IGF1R: variants seen among roughly 807,000 people sequenced by gnomAD.
The protein encoded by IGF1R is insulin like growth factor 1 receptor.
A neutral mutation model predicts 144.6 loss-of-function variants in IGF1R; 44 were observed. That is an observed-to-expected ratio of 0.30 (90% CI 0.24 to 0.39). The LOEUF is 0.39. Among genes scored for constraint, IGF1R ranks in the 10% least tolerant of loss-of-function variants. The pLI, the probability that IGF1R is intolerant of heterozygous loss-of-function variation, is 1.00. For synonymous variants in IGF1R, 795 were observed against 722.8 expected (o/e 1.10, Z -1.60); for missense variants, 1,355 against 1,833.7 (o/e 0.74, Z 4.77).
chr15:98,834,036 T>C (rs933655109), intron 2 of IGF1R, among the ~76,000 whole-genome samples: 1 of 152,246 alleles, frequency 6.6e-6, no homozygotes, highest in Non-Finnish European at 1.5e-5. Context: ...TATGAGGACT[T>C]GCCAGATGTC....
At chr15:98,740,719 CTG>C (rs1278506898) in intron 2 of IGF1R, among the ~76,000 whole-genome samples, 1 of 152,200 alleles carries the variant, frequency 6.6e-6, no homozygotes, top group Non-Finnish European at 1.5e-5. Flanking sequence ...CCTAAAATCT[CTG>C]TGCTGTGTAG....
intron 5 of IGF1R, among the ~76,000 whole-genome samples, chr15:98,899,956 T>C (rs1024200262): frequency 6.6e-6 from 1 of 152,158 alleles, no homozygotes; most frequent in African/African-American, 2.4e-5. Context: ...TCTGGAGTGC[T>C]CACCTCCCTG....
intron 2 of IGF1R, among the ~76,000 whole-genome samples, chr15:98,855,131 G>A (rs1210655652): frequency 6.6e-6 from 1 of 152,226 alleles, no homozygotes; most frequent in Non-Finnish European, 1.5e-5. Flanking sequence ...GCTGTATGGT[G>A]ATGTGTTCTC....
intron 2 of IGF1R, among the ~76,000 whole-genome samples, chr15:98,722,941 C>CT: frequency 6.6e-6 from 1 of 152,010 alleles, no homozygotes; most frequent in East Asian, 1.9e-4. Context: ...GGGATTCTTC[C>CT]TCTTGAAGGA....
intron 2 of IGF1R, among the ~76,000 whole-genome samples, chr15:98,840,013 C>A (rs919454491): frequency 4.6e-5 from 7 of 152,204 alleles, no homozygotes; most frequent in African/African-American, 1.7e-4. Context: ...TTTCAGGTGT[C>A]TTCTGAACAC....
rs117834065 is a variant in IGF1R at position 98,871,183 on chromosome 15, C to T, written c.641-20142C>T. The stretch of plus-strand genomic sequence containing the variant: ...TAATGGCAGATATTTAGACCCAGCT[C>T]TCAAGCAAGCATCCAAGTTGTTCCG... On this transcript the variant is annotated intron_variant, in intron 2 of 20. Transcript: ENST00000650285. 8.9e-3 allele frequency among the ~76,000 whole-genome samples: 1,356 copies of T among 152,382 alleles called. 14 individuals are homozygous for T. Among genetic ancestry groups the T allele is most frequent in the Admixed American group, 0.017 (253 of 15,314 alleles).
intron 2 of IGF1R, among the ~76,000 whole-genome samples, chr15:98,835,109 A>C (rs867824655): frequency 2.4e-3 from 260 of 106,434 alleles, no homozygotes; most frequent in African/African-American, 6.4e-3. Flanking sequence ...ACACACACAC[A>C]CCCCTACACC....
intron 2 of IGF1R, among the ~76,000 whole-genome samples, chr15:98,827,325 C>T (rs1392957503): frequency 6.6e-6 from 1 of 152,188 alleles, no homozygotes; most frequent in Admixed American, 6.5e-5. Context: ...TAACCTCGTT[C>T]ACATGCCGTT....
At chr15:98,878,301 C>T (rs2013164864) in intron 2 of IGF1R, among the ~76,000 whole-genome samples, 1 of 152,194 alleles carries the variant, frequency 6.6e-6, no homozygotes, top group Non-Finnish European at 1.5e-5. Context: ...CACAATACCT[C>T]ACATAACTCT....
intron 5 of IGF1R, among the ~76,000 whole-genome samples, chr15:98,908,264 G>C (rs28417243): frequency 0.021 from 3,216 of 152,308 alleles, 119 homozygotes; most frequent in African/African-American, 0.073. Flanking sequence ...TACTTCCATG[G>C]ATAATGGGAG....
At chr15:98,659,236 G>C in intron 1 of IGF1R, among the ~76,000 whole-genome samples, 1 of 151,594 alleles carries the variant, frequency 6.6e-6, no homozygotes, top group East Asian at 1.9e-4. Flanking sequence ...TTAAACAGTT[G>C]TGATTTTTTT....
intron 2 of IGF1R, among the ~76,000 whole-genome samples, chr15:98,877,169 A>G (rs2013100302): frequency 6.6e-6 from 1 of 152,186 alleles, no homozygotes; most frequent in Non-Finnish European, 1.5e-5. Context: ...AGAGGGACCC[A>G]GAGGGAGAGA....
rs1030651688 is a variant in IGF1R at position 98,649,361 on chromosome 15, C to A, written c.-221C>A. The A allele has an allele frequency of 3.7e-5, 9 of 240,630 alleles. No individual in the cohort carries two copies. Among genetic ancestry groups the A allele is most frequent in the Non-Finnish European group, 6.3e-5 (8 of 126,876 alleles). 14.9% of individuals were successfully genotyped at this position (240,630 alleles called of 1,614,324 possible). A position where few individuals can be genotyped will look rare whatever the true frequency, so the allele number is the denominator to read the frequency against. On this transcript the variant is annotated 5_prime_UTR_variant, in exon 1 of 21. Transcript: ENST00000650285. ...CCGCCGAGCCCTGGGCCGCTGCTGCCGGCGCTGAGGGGCCGCCCCGCGCCG... is the reference window on the plus strand; with the variant it reads ...CCGCCGAGCCCTGGGCCGCTGCTGCAGGCGCTGAGGGGCCGCCCCGCGCCG...
intron 1 of IGF1R, among the ~76,000 whole-genome samples, chr15:98,684,904 C>G (rs962060650): frequency 6.6e-6 from 1 of 150,444 alleles, no homozygotes; most frequent in Admixed American, 6.6e-5. Context: ...AGGCTCCCTC[C>G]ATGTATATAT....
intron 2 of IGF1R, among the ~76,000 whole-genome samples, chr15:98,744,104 C>A (rs2054809409): frequency 6.6e-6 from 1 of 151,944 alleles, no homozygotes; most frequent in African/African-American, 2.4e-5. Context: ...GAATTCCCAG[C>A]AGTGACTTGG....
At chr15:98,916,266 T>G (rs1453385297) in intron 9 of IGF1R, 135 bp downstream of exon 9, 12 of 865,810 alleles carry the variant, frequency 1.4e-5, no homozygotes, top group South Asian at 3.3e-5. Context: ...TTCTGGTTTT[T>G]TTTTTTTTTT....
At chr15:98,835,357 G>A (rs1475584901) in intron 2 of IGF1R, among the ~76,000 whole-genome samples, 1 of 152,158 alleles carries the variant, frequency 6.6e-6, no homozygotes, top group Admixed American at 6.5e-5. Context: ...CCCTACCAGC[G>A]AAGTGGAAGC....
chr15:98,651,110 G>T (rs1165620404), intron 1 of IGF1R: 3 of 971,422 alleles, frequency 3.1e-6, no homozygotes, highest in South Asian at 9.5e-5. Context: ...GGGTATGCAG[G>T]TGGTGCCGAT....
At chr15:98,940,868 C>G (rs1324915252) in intron 18 of IGF1R, among the ~76,000 whole-genome samples, 1 of 152,250 alleles carries the variant, frequency 6.6e-6, no homozygotes, top group South Asian at 2.1e-4. Context: ...GAGACGTCCT[C>G]ACGTTTGGTG....
Sources: gnomAD v4.1 joint callset for allele counts (sites outside exome capture counted in the v4.1 genomes callset) on GRCh38, gnomAD v4.1.1 for gene constraint, MANE v1.5 for transcripts, NCBI Gene and HGNC (gene_info 2026-07-23, HGNC 2026-07-21) for gene names.